Variants in PRPF6 observed in about 807,000 individuals in gnomAD.
PRPF6 encodes pre-mRNA processing factor 6.
In PRPF6, 42 loss-of-function variants were observed where a neutral mutation model predicts 118.3. The ratio of observed to expected loss-of-function variants is 0.35; its 90% CI spans 0.28 to 0.46. The LOEUF (loss-of-function observed/expected upper bound fraction) is 0.46, where lower values mean the gene tolerates loss of function less well. Among genes scored for constraint, PRPF6 ranks in the 20% least tolerant of loss-of-function variants. The pLI, the probability that PRPF6 is intolerant of heterozygous loss-of-function variation, is 1.00. For missense variants in PRPF6, 662 were observed against 1,255.7 expected (o/e 0.53, Z 7.15); for synonymous variants, 481 against 485.1 (o/e 0.99, Z 0.11).
chr20:64,009,302 AAGAG>A (rs1208625832), intron 9 of PRPF6, among the ~76,000 whole-genome samples: 3 of 150,910 alleles, frequency 2.0e-5, no homozygotes, highest in South Asian at 2.1e-4. Context: ...AAAAAAAAAA[AAGAG>A]AGGTATTTCA....
In PRPF6 at chr20:64,011,234, T is replaced by A. The variant is rs772604460; in HGVS notation, c.1306-51T>A. On this transcript the variant is annotated intron_variant, in intron 10 of 20. Coordinates refer to ENST00000266079, the MANE Select transcript of PRPF6 (RefSeq NM_012469.4). This position sits in a 1 kb window ranked among gnomAD's most constrained non-coding sequence, Gnocchi z 6.7. ...GGTGGGTCGCTGTCTGGCCTGCAGC[T>A]GTCCCCCCAGCACAGTGTCCTCTCC... The A allele has an allele frequency of 1.9e-6, 3 of 1,569,554 alleles. No homozygotes were observed. Among genetic ancestry groups the A allele is most frequent in the Non-Finnish European group, 2.6e-6 (3 of 1,142,348 alleles).
chr20:64,027,790 G>T lies in PRPF6; in HGVS notation c.2339+54G>T. ...CTGGGCACAGCTTCCCCATCAGGTG[G>T]GCCGCCGTCACCCAGCTGCTTGTGT... is the stretch of plus-strand genomic sequence containing the variant. On this transcript the variant is annotated intron_variant, in intron 17 of 20. Transcript: ENST00000266079. This position sits in a 1 kb window ranked among gnomAD's most constrained non-coding sequence, Gnocchi z 6.5. 6.2e-7 allele frequency: 1 copy of T among 1,610,588 alleles called. No individual in the cohort carries two copies. The highest frequency in any genetic ancestry group is 8.5e-7 in the Non-Finnish European group (1 of 1,178,476).
Position 63,999,632 on chromosome 20 carries a change from AG to A in PRPF6, c.897del (p.Lys299AsnfsTer29). ...NDIKKARLLL[K>X]SVRETNPHHP... Reference sequence around the variant, plus strand: ...ATCAAGAAGGCGCGACTGCTCCTCAAGTCTGTTCGGGAGACGAACCCTCATC... The same window carrying A: ...ATCAAGAAGGCGCGACTGCTCCTCAATCTGTTCGGGAGACGAACCCTCATC... On this transcript the variant is annotated frameshift_variant, in exon 8 of 21. Coordinates refer to ENST00000266079, the MANE Select transcript of PRPF6 (RefSeq NM_012469.4). LOFTEE classifies it high-confidence loss of function. The A allele has an allele frequency of 6.2e-7, 1 of 1,614,148 alleles. No individual in the cohort carries two copies. Among genetic ancestry groups the A allele is most frequent in the Non-Finnish European group, 8.5e-7 (1 of 1,180,036 alleles).
chr20:64,021,289 CGTGTGT>C (rs58839408), intron 12 of PRPF6, among the ~76,000 whole-genome samples: 3 of 138,890 alleles, frequency 2.2e-5, no homozygotes, highest in African/African-American at 5.2e-5. Context: ...CAGCCCCGTG[CGTGTGT>C]GTGTGTGTGT....
chr20:63,982,997 C>G (rs928339460), intron 1 of PRPF6, 50 bp from the exon 2 acceptor site: 11 of 1,600,658 alleles, frequency 6.9e-6, no homozygotes, highest in African/African-American at 5.4e-5. Context: ...TGGAGAAGAG[C>G]ACAGGAACAG....
Position 64,028,033 on chromosome 20 carries a change from C to G in PRPF6, c.2339+297C>G, listed in dbSNP as rs960095220. Among the ~76,000 whole-genome samples the G allele has an allele frequency of 6.6e-6, 1 of 152,076 alleles. No homozygotes were observed. Among genetic ancestry groups the G allele is most frequent in the Non-Finnish European group, 1.5e-5 (1 of 68,002 alleles). ...CGAGGGAAGGATGGACCCCGGAGAG[C>G]CAGCTCCACAGAGGAGGTGGCGTGG... On this transcript the variant is annotated intron_variant, in intron 17 of 20. Coordinates refer to ENST00000266079, the MANE Select transcript of PRPF6 (RefSeq NM_012469.4). This position sits in a 1 kb window ranked among gnomAD's most constrained non-coding sequence, Gnocchi z 6.5.
At position 64,027,817 on chromosome 20, in the gene PRPF6, G is replaced by A; in HGVS notation, c.2339+81G>A. The A allele has an allele frequency of 6.9e-6, 11 of 1,589,088 alleles. No individual in the cohort carries two copies. The highest frequency in any genetic ancestry group is 9.5e-6 in the Non-Finnish European group (11 of 1,160,136). ...CCGCCGTCACCCAGCTGCTTGTGTG[G>A]AGTCACTCGTGCAGTGCTTCCAGGC... is the stretch of plus-strand genomic sequence containing the variant. On this transcript the variant is annotated intron_variant, in intron 17 of 20. Coordinates refer to ENST00000266079, the MANE Select transcript of PRPF6 (RefSeq NM_012469.4). This position sits in a 1 kb window ranked among gnomAD's most constrained non-coding sequence, Gnocchi z 6.5.
intron 3 of PRPF6, among the ~76,000 whole-genome samples, 192 bp from the exon 4 acceptor site, chr20:63,993,215 C>CA (rs1215558007): frequency 4.6e-4 from 54 of 117,848 alleles, no homozygotes; most frequent in Middle Eastern, 4.2e-3. Flanking sequence ...GACTCCATCT[C>CA]AAAAAAAAAA....
intron 4 of PRPF6, among the ~76,000 whole-genome samples, chr20:63,993,837 C>A (rs188069752): frequency 6.6e-6 from 1 of 151,818 alleles, no homozygotes; most frequent in East Asian, 1.9e-4. Context: ...GCAACCTTCA[C>A]CTCCTAGGTT....
intron 3 of PRPF6, among the ~76,000 whole-genome samples, chr20:63,989,685 T>C (rs941988570): frequency 6.6e-5 from 10 of 151,692 alleles, no homozygotes; most frequent in African/African-American, 1.9e-4. Context: ...CTGGCTAGTT[T>C]TTGTATTTTA....
In PRPF6 at chr20:64,022,841, C is replaced by T. The variant is rs1003179172; in HGVS notation, c.1732C>T (p.Leu578=). Residue 578 remains leucine, a synonymous_variant, in exon 13 of 21, where the codon CTG becomes TTG. Transcript: ENST00000266079. ...QVFPSKKSVW[L]RAAYFEKNHG... ...GTTCCCCAGCAAGAAGAGTGTGTGG[C>T]TGCGCGCCGCGTACTTCGAGAAGAA... 1.7e-5 allele frequency: 27 copies of T among 1,613,998 alleles called. No homozygotes were observed. Among genetic ancestry groups the T allele is most frequent in the Non-Finnish European group, 2.3e-5 (27 of 1,180,012 alleles).
chr20:64,016,124 T>TC (rs748992163), intron 11 of PRPF6, among the ~76,000 whole-genome samples: 2 of 141,018 alleles, frequency 1.4e-5, no homozygotes, highest in African/African-American at 2.5e-5. Flanking sequence ...ACTCTCTCTC[T>TC]TTTTTTTTTT....
intron 3 of PRPF6, among the ~76,000 whole-genome samples, chr20:63,986,152 C>T (rs570296262): frequency 6.6e-6 from 1 of 152,014 alleles, no homozygotes; most frequent in Non-Finnish European, 1.5e-5. Context: ...ACCAGTCTGG[C>T]CAACCTAGTG....
intron 9 of PRPF6, among the ~76,000 whole-genome samples, chr20:64,003,444 C>T (rs1236755246): frequency 6.6e-6 from 1 of 152,212 alleles, no homozygotes; most frequent in Non-Finnish European, 1.5e-5. Flanking sequence ...CATTCACTTA[C>T]TGTCTACGTC....
intron 20 of PRPF6, among the ~76,000 whole-genome samples, chr20:64,032,299 T>C (rs946655957): frequency 6.6e-6 from 1 of 152,252 alleles, no homozygotes; most frequent in Non-Finnish European, 1.5e-5. Context: ...TAGGGTGGCC[T>C]GTCTGCTGGA....
intron 4 of PRPF6, among the ~76,000 whole-genome samples, chr20:63,993,905 A>T (rs1262516385): frequency 6.6e-6 from 1 of 151,826 alleles, no homozygotes; most frequent in Non-Finnish European, 1.5e-5. Context: ...GCCTGCCACC[A>T]TACCCAGCTA....
In PRPF6 at chr20:64,016,954, T is replaced by A. The variant is rs78915026; in HGVS notation, c.1647+109T>A. On this transcript the variant is annotated intron_variant, in intron 12 of 20. Transcript: ENST00000266079. ...TTTTAAAACTCTTTTTTTTTTTTTTTAAATCTGAGACGGGGTCTTGCTCTG... is the reference window on the plus strand; with the variant it reads ...TTTTAAAACTCTTTTTTTTTTTTTTAAAATCTGAGACGGGGTCTTGCTCTG... 219 of 1,279,902 alleles carry A rather than the reference T, an allele frequency of 1.7e-4. 1 individual carries two copies. Among genetic ancestry groups the A allele is most frequent in the Middle Eastern group, 4.8e-4 (2 of 4,144 alleles). The allele number at this position is 1,279,902 out of a possible 1,614,324, so 79.3% of individuals were successfully genotyped here. A position where few individuals can be genotyped will look rare whatever the true frequency, so the allele number is the denominator to read the frequency against.
chr20:64,014,131 G>A (rs963440247), intron 11 of PRPF6, among the ~76,000 whole-genome samples: 1 of 151,630 alleles, frequency 6.6e-6, no homozygotes, highest in Non-Finnish European at 1.5e-5. Flanking sequence ...GTAGAGACGC[G>A]GTTTTGCCAT....
rs79108286 is a variant in PRPF6 at position 64,006,878 on chromosome 20, A to C, written c.1187-3322A>C. Reference sequence around the variant, plus strand: ...AGACCATGTTCTGCCTGAATCGGTGAATTCATATAGCTTCGTCTTCTGGCC... The same window carrying C: ...AGACCATGTTCTGCCTGAATCGGTGCATTCATATAGCTTCGTCTTCTGGCC... On this transcript the variant is annotated intron_variant, in intron 9 of 20. Coordinates refer to ENST00000266079, the MANE Select transcript of PRPF6 (RefSeq NM_012469.4). Among the ~76,000 whole-genome samples the C allele has an allele frequency of 7.2e-3, 1,091 of 152,306 alleles. 16 individuals are homozygous for C. The highest frequency in any genetic ancestry group is 0.025 in the African/African-American group (1,036 of 41,574).
Sources: allele counts gnomAD v4.1 joint callset (sites outside exome capture counted in the v4.1 genomes callset), GRCh38; gene constraint gnomAD v4.1.1; non-coding constraint Gnocchi (gnomAD v3.1); transcripts MANE v1.5; gene names NCBI Gene and HGNC (gene_info 2026-07-23, HGNC 2026-07-21).